The following ITPR2 variants were observed in gnomAD, a reference collection of about 807,000 sequenced individuals.
ITPR2 encodes the protein inositol 1,4,5-trisphosphate-gated calcium channel ITPR2.
In ITPR2, 207 loss-of-function variants were observed where a neutral mutation model predicts 317.1. The ratio of observed to expected loss-of-function variants is 0.65; its 90% CI spans 0.58 to 0.73. The LOEUF is 0.73. ITPR2 is among the 30% of genes least tolerant of loss of function. ITPR2 has a pLI of 0.00. For synonymous variants in ITPR2, 1,156 were observed against 1,149.1 expected, an observed-to-expected ratio of 1.01 and a Z score of -0.12; for missense variants, 2,613 against 3,284.0, an observed-to-expected ratio of 0.80 and a Z score of 4.99.
intron 37 of ITPR2, among the ~76,000 whole-genome samples, chr12:26,504,985 T>A (rs188300877): frequency 7.9e-5 from 12 of 152,244 alleles, no homozygotes. Flanking sequence ...CTAGAAGATA[T>A]GCAGTATGGT....
At chr12:26,812,738 G>T (rs1950779133) in intron 1 of ITPR2, among the ~76,000 whole-genome samples, 1 of 152,186 alleles carries the variant, frequency 6.6e-6, no homozygotes, top group Non-Finnish European at 1.5e-5. Context: ...CCAATATAAA[G>T]ATGAAGAATT....
intron 15 of ITPR2, among the ~76,000 whole-genome samples, chr12:26,659,512 G>T (rs776454883): frequency 4.4e-4 from 67 of 152,216 alleles, no homozygotes; most frequent in Non-Finnish European, 7.6e-4. Flanking sequence ...TATACACCTA[G>T]AAATAATTAT....
chr12:26,568,006 T>TATATATATATTATATATATTATA (rs1196635588), intron 34 of ITPR2, among the ~76,000 whole-genome samples: 1 of 7,506 alleles, frequency 1.3e-4, no homozygotes, highest in Admixed American at 8.3e-4. Context: ...ATTATATATA[T>TATATATATATTATATATATTATA]TATATATATA....
intron 37 of ITPR2, among the ~76,000 whole-genome samples, chr12:26,549,628 G>A (rs1222812475): frequency 1.3e-5 from 2 of 151,932 alleles, no homozygotes; most frequent in Non-Finnish European, 2.9e-5. Flanking sequence ...GTATCACCTT[G>A]GGTATCAAAC....
intron 32 of ITPR2, among the ~76,000 whole-genome samples, chr12:26,580,553 T>A (rs1945379900): frequency 6.6e-6 from 1 of 152,136 alleles, no homozygotes; most frequent in Non-Finnish European, 1.5e-5. Flanking sequence ...TTAATGGTAG[T>A]TAGTAACTCC....
intron 9 of ITPR2, among the ~76,000 whole-genome samples, chr12:26,702,530 C>G (rs1201253466): frequency 6.6e-6 from 1 of 151,676 alleles, no homozygotes; most frequent in Non-Finnish European, 1.5e-5. Context: ...CCTCCACCTC[C>G]TGGGTTCAAG....
Position 26,561,757 on chromosome 12 carries a change from T to G in ITPR2, c.4821+5A>C. 1 of 1,551,900 alleles carries G rather than the reference T, an allele frequency of 6.4e-7. No individual in the cohort carries two copies. Among genetic ancestry groups the G allele is most frequent in the South Asian group, 1.3e-5 (1 of 77,668 alleles). On this transcript the variant is annotated splice_donor_5th_base_variant and intron_variant, in intron 35 of 56. Transcript: ENST00000381340. ...ATATTAATGCTATTTCACGCTTTCA[T>G]GTACCTGTAACTTTTCAATAATATT...
chr12:26,811,684 CAAAA>C (rs34379788), intron 1 of ITPR2, among the ~76,000 whole-genome samples: 1 of 80,150 alleles, frequency 1.2e-5, no homozygotes, highest in Non-Finnish European at 2.3e-5. Context: ...GACTCTGTCT[CAAAA>C]AAAAAAAAAA....
chr12:26,810,383 A>G (rs538605424), intron 1 of ITPR2, among the ~76,000 whole-genome samples: 15 of 152,278 alleles, frequency 9.9e-5, no homozygotes, highest in African/African-American at 3.1e-4. Flanking sequence ...TTGAAATGTA[A>G]AAAAAGCCAT....
At chr12:26,818,776 A>T (rs766274525) in intron 1 of ITPR2, among the ~76,000 whole-genome samples, 18 of 152,180 alleles carry the variant, frequency 1.2e-4, no homozygotes, top group Non-Finnish European at 2.2e-4. Context: ...TTGAAGTCAA[A>T]GATCTACCCG....
chr12:26,770,030 C>A (rs1000436294), intron 2 of ITPR2, among the ~76,000 whole-genome samples: 2 of 152,132 alleles, frequency 1.3e-5, no homozygotes, highest in African/African-American at 4.8e-5. Flanking sequence ...AATACTCTAA[C>A]CCTATAACCT....
chr12:26,365,329 A>T (rs181059515), intron 55 of ITPR2, among the ~76,000 whole-genome samples: 28 of 152,238 alleles, frequency 1.8e-4, no homozygotes, highest in African/African-American at 6.3e-4. Context: ...TATATTTCCC[A>T]AACATTCCAG....
chr12:26,728,070 T>C (rs928060961), intron 2 of ITPR2, among the ~76,000 whole-genome samples: 3 of 152,136 alleles, frequency 2.0e-5, no homozygotes, highest in African/African-American at 7.2e-5. Context: ...TGTTATGTTC[T>C]AGGCTAAGGA....
intron 45 of ITPR2, among the ~76,000 whole-genome samples, chr12:26,444,721 A>C (rs750078746): frequency 7.6e-6 from 1 of 131,544 alleles, no homozygotes; most frequent in Non-Finnish European, 1.6e-5. Flanking sequence ...AATACCAATT[A>C]TTATTATAAT....
At chr12:26,491,654 T>TA (rs1942808978) in intron 39 of ITPR2, among the ~76,000 whole-genome samples, 1 of 151,544 alleles carries the variant, frequency 6.6e-6, no homozygotes, top group Admixed American at 6.6e-5. Context: ...TTGAAAATAA[T>TA]AGAGTATGGA....
In ITPR2 at chr12:26,398,970, G is replaced by T; in HGVS notation, c.7602C>A (p.Asn2534Lys). 1 of 1,610,614 alleles carries T rather than the reference G, an allele frequency of 6.2e-7. No homozygotes were observed. The highest frequency in any genetic ancestry group is 8.5e-7 in the Non-Finnish European group (1 of 1,179,000). The change falls in exon 54 of 57, where the codon AAC becomes AAA. Residue 2534 changes from asparagine to lysine, a missense_variant. Physicochemically the swap from Asn to Lys is moderately conservative, Grantham distance 94. Around this residue, in one of 9 missense-constraint regions of ITPR2, gnomAD observed 28 missense variants for 76.0 expected, o/e 0.37. Transcript: ENST00000381340. The part of the protein sequence containing the change: ...FYFIVIIIVL[N>K]LIFGVIIDTF... ...TATCGATGATAACACCAAAAATCAA[G>T]TTCAGAACAATAATGATAACAATGA...
In ITPR2 at chr12:26,772,478, A is replaced by ATAATATATATAATAATGTATT. The variant is rs58056683; in HGVS notation, c.163+17678_163+17679insAATACATTATTATATATATTA. ...TATATATAATACATGTATTATATAT[A>ATAATATATATAATAATGTATT]ATATATATAATACATATAATACATG... On this transcript the variant is annotated intron_variant, in intron 2 of 56. Transcript: ENST00000381340. Among the ~76,000 whole-genome samples the ATAATATATATAATAATGTATT allele has an allele frequency of 7.0e-3, 558 of 80,120 alleles. 9 individuals carry two copies. The highest frequency in any genetic ancestry group is 0.016 in the Non-Finnish European group (476 of 29,876). 52.6% of individuals were successfully genotyped at this position (80,120 alleles called of 152,430 possible).
At chr12:26,772,850 T>G (rs577853342) in intron 2 of ITPR2, among the ~76,000 whole-genome samples, 33 of 152,076 alleles carry the variant, frequency 2.2e-4, no homozygotes, top group Non-Finnish European at 3.8e-4. Context: ...ACCCATCATC[T>G]ACATTTTAAG....
chr12:26,541,535 A>G (rs1048670079), intron 37 of ITPR2, among the ~76,000 whole-genome samples: 1 of 152,256 alleles, frequency 6.6e-6, no homozygotes, highest in Non-Finnish European at 1.5e-5. Context: ...TTCTCTCAGC[A>G]AAAGTTATTA....
Sources: allele counts gnomAD v4.1 joint callset (sites outside exome capture counted in the v4.1 genomes callset), GRCh38; gene constraint gnomAD v4.1.1; regional missense constraint gnomAD v4.1.1; transcripts MANE v1.5; gene names NCBI Gene and HGNC (gene_info 2026-07-23, HGNC 2026-07-21).